VPS53: variants seen among roughly 807,000 people sequenced by gnomAD.
The protein encoded by VPS53 is vacuolar protein sorting-associated protein 53 homolog.
VPS53 carries 70 observed loss-of-function variants against 107.0 expected under a neutral mutation model. The observed-to-expected ratio is 0.65, with a 90% CI of 0.54 to 0.80. The LOEUF is 0.80. Ranked by LOEUF, VPS53 falls within the 30% of genes least tolerant of loss-of-function variation. The pLI is 0.00. For missense variants in VPS53, 917 were observed against 1,049.4 expected (o/e 0.87, Z 1.74); for synonymous variants, 409 against 393.3 (o/e 1.04, Z -0.47).
chr17:582,167 C>T (rs200102839), intron 13 of VPS53, among the ~76,000 whole-genome samples: 1,455 of 139,008 alleles, frequency 0.01, 8 homozygotes, highest in East Asian at 0.074. Flanking sequence ...CTAATGTGTT[C>T]CCAGAGAACC....
Position 661,866 on chromosome 17 carries a change from T to G in VPS53, c.315A>C (p.Gln105His), listed in dbSNP as rs1321707098. ...TATCTTTGATTTTGCCAAAGAGTTG[T>G]TGGATAGCTTTCTGAGCCTCTTCAA... is the stretch of plus-strand genomic sequence containing the variant. Reference protein sequence around the residue: ...QALEEAQKAIQQLFGKIKDIK... With the variant: ...QALEEAQKAIHQLFGKIKDIK... Residue 105 changes from glutamine (Q) to histidine (H), a missense_variant, in exon 5 of 22, where the codon CAA becomes CAC. Physicochemically the swap from Gln to His is conservative, Grantham distance 24 (BLOSUM62 0). Transcript: ENST00000437048. 6.4e-7 allele frequency: 1 copy of G among 1,552,254 alleles called. No individual in the cohort carries two copies.
At chr17:661,393 C>A (rs575332928) in intron 5 of VPS53, among the ~76,000 whole-genome samples, 3 of 151,440 alleles carry the variant, frequency 2.0e-5, no homozygotes, top group African/African-American at 7.3e-5. Context: ...TGGTGGCAGG[C>A]GCCTGTAATC....
At chr17:564,726 A>G (rs963371231) in intron 13 of VPS53, among the ~76,000 whole-genome samples, 1 of 152,058 alleles carries the variant, frequency 6.6e-6, no homozygotes, top group Admixed American at 6.5e-5. Flanking sequence ...CTGGAAAAAA[A>G]AAACAAAAAC....
intron 13 of VPS53, among the ~76,000 whole-genome samples, chr17:565,221 G>A (rs1486329933): frequency 6.6e-6 from 1 of 151,836 alleles, no homozygotes; most frequent in Non-Finnish European, 1.5e-5. Flanking sequence ...GACCAACATA[G>A]AGAAACCCCG....
intron 11 of VPS53, among the ~76,000 whole-genome samples, chr17:613,563 C>T (rs1402382926): frequency 4.2e-5 from 6 of 143,428 alleles, no homozygotes; most frequent in South Asian, 2.3e-4. Flanking sequence ...CAGATATTCA[C>T]AGCAGTATTC....
At chr17:674,126 G>A (rs754494183) in intron 4 of VPS53, 1 of 152,192 alleles carries the variant, frequency 6.6e-6, no homozygotes, top group Non-Finnish European at 1.5e-5. Context: ...ACACCTCCAA[G>A]TGGCAAAAGA....
At chr17:521,118 C>A (rs551553553) in intron 20 of VPS53, among the ~76,000 whole-genome samples, 1 of 152,246 alleles carries the variant, frequency 6.6e-6, no homozygotes, top group Non-Finnish European at 1.5e-5. Flanking sequence ...GGGCTTCAGA[C>A]GTTCCTCACT....
At chr17:657,055 A>T (rs1971223367) in intron 5 of VPS53, 1 of 893,902 alleles carries the variant, frequency 1.1e-6, no homozygotes, top group Non-Finnish European at 1.9e-6. Flanking sequence ...ATGGCTTGCC[A>T]GTGTCGAACG....
chr17:586,688 C>A (rs927371092), intron 12 of VPS53, among the ~76,000 whole-genome samples: 1 of 152,212 alleles, frequency 6.6e-6, no homozygotes, highest in African/African-American at 2.4e-5. Context: ...CTTGTATTTA[C>A]ACAGTGCTTT....
At chr17:525,964 T>C (rs1402753554) in intron 19 of VPS53, among the ~76,000 whole-genome samples, 1 of 118,880 alleles carries the variant, frequency 8.4e-6, no homozygotes, top group African/African-American at 3.3e-5. Context: ...GCCATTGTAC[T>C]CCAGACTGGG....
At chr17:710,647 TG>T in intron 1 of VPS53, 34 bp from the exon 2 acceptor site, 1 of 1,451,016 alleles carries the variant, frequency 6.9e-7, no homozygotes, top group Non-Finnish European at 9.6e-7. Context: ...TATAAAAACA[TG>T]TAGTATACCG....
intron 12 of VPS53, chr17:600,797 T>C (rs1300113272): frequency 6.6e-6 from 1 of 152,178 alleles, no homozygotes; most frequent in Non-Finnish European, 1.5e-5. Context: ...TCATCACCTA[T>C]AAAGCAAGAG....
chr17:651,585 T>C (rs1970950968), intron 7 of VPS53, among the ~76,000 whole-genome samples: 1 of 152,230 alleles, frequency 6.6e-6, no homozygotes, highest in East Asian at 1.9e-4. Flanking sequence ...AGTGAGACCC[T>C]GTCTCTATTT....
At position 605,770 on chromosome 17, in the gene VPS53, G is replaced by A. The variant is rs193179955; in HGVS notation, c.1117-3874C>T. Among the ~76,000 whole-genome samples, 256 of 81,062 alleles carry A rather than the reference G, an allele frequency of 3.2e-3. 1 individual carries two copies. The highest frequency in any genetic ancestry group is 0.011 in the African/African-American group (241 of 21,128). 53.2% of individuals were successfully genotyped at this position (81,062 alleles called of 152,430 possible). On this transcript the variant is annotated intron_variant, in intron 11 of 21. Coordinates refer to ENST00000437048, the MANE Select transcript of VPS53 (RefSeq NM_001128159.3). Reference sequence around the variant, plus strand: ...TGGGGTAAGAGGGGTGGCAAGAGTCGCATCATATTGGTGAGTCAGGGACAG... The same window carrying A: ...TGGGGTAAGAGGGGTGGCAAGAGTCACATCATATTGGTGAGTCAGGGACAG...
At position 627,557 on chromosome 17, in the gene VPS53, C is replaced by A. The variant is rs1969767045; in HGVS notation, c.832-241G>T. On this transcript the variant is annotated intron_variant, in intron 9 of 21. Transcript: ENST00000437048. ...CTTTGGGAGGCCGAGGTCAGCAGAT[C>A]ACCTGAGGTCAGTTCGAGACCAGCC... Among the ~76,000 whole-genome samples, 3 of 152,144 alleles carry A rather than the reference C, an allele frequency of 2.0e-5. 1 individual carries two copies. The South Asian group carries it at 6.2e-4, about 31-fold the overall frequency.
At chr17:706,795 C>T (rs1973422045) in intron 2 of VPS53, among the ~76,000 whole-genome samples, 1 of 152,092 alleles carries the variant, frequency 6.6e-6, no homozygotes, top group African/African-American at 2.4e-5. Context: ...AACTGCATGA[C>T]TTTGGTCCCC....
At chr17:643,692 T>C (rs1438954093) in intron 7 of VPS53, among the ~76,000 whole-genome samples, 12 of 151,290 alleles carry the variant, frequency 7.9e-5, no homozygotes, top group African/African-American at 2.2e-4. Context: ...ACAACACTCA[T>C]ACTTGGAAAG....
chr17:685,732 G>T (rs1183997968), intron 4 of VPS53, among the ~76,000 whole-genome samples: 1 of 152,102 alleles, frequency 6.6e-6, no homozygotes, highest in Admixed American at 6.6e-5. Flanking sequence ...AGGTGTGGTG[G>T]CTTGCACCTG....
At chr17:631,472 C>T (rs1269560086) in intron 8 of VPS53, 78 bp downstream of exon 8, 2 of 1,459,362 alleles carry the variant, frequency 1.4e-6, no homozygotes, top group Non-Finnish European at 1.9e-6. Flanking sequence ...GAATGATAAC[C>T]ACATGGTGAC....
Sources: gnomAD v4.1 joint callset for allele counts (sites outside exome capture counted in the v4.1 genomes callset) on GRCh38, gnomAD v4.1.1 for gene constraint, MANE v1.5 for transcripts, NCBI Gene and HGNC (gene_info 2026-07-23, HGNC 2026-07-21) for gene names.